Variants in RRP9 observed in about 807,000 individuals in gnomAD.
RRP9 encodes U3 small nucleolar RNA-interacting protein 2.
A neutral mutation model predicts 65.5 loss-of-function variants in RRP9; 35 were observed. That is an observed-to-expected ratio of 0.53 (90% CI 0.41 to 0.71). The LOEUF (loss-of-function observed/expected upper bound fraction) is 0.71. RRP9 is among the 30% of genes least tolerant of loss of function. The pLI is 0.00. For missense variants in RRP9, 533 were observed against 633.6 expected, an observed-to-expected ratio of 0.84 and a Z score of 1.70; for synonymous variants, 254 against 245.0, an observed-to-expected ratio of 1.04 and a Z score of -0.34.
chr3:51,941,771 C>T lies in RRP9; in HGVS notation c.87+10G>A. On this transcript the variant is annotated intron_variant, in intron 1 of 14. Coordinates refer to ENST00000232888, the MANE Select transcript of RRP9 (RefSeq NM_004704.5). ...GGGCTGACCGCGGCCCTCAGAAGCG[C>T]CATGCTCACCTTTCGCCGCCGCTTG... The T allele has an allele frequency of 6.4e-7, 1 of 1,553,332 alleles. No homozygotes were observed. Among genetic ancestry groups the T allele is most frequent in the South Asian group, 1.2e-5 (1 of 85,446 alleles).
At position 51,936,559 on chromosome 3, in the gene RRP9, C is replaced by A. The variant is rs1410655476; in HGVS notation, c.518-4G>T. Reference sequence around the variant, plus strand: ...TTCCGTCCACTCTCCACGCTCCCTGCAGTTGGGGGTGGGGGAGAAGCTACT... The same window carrying A: ...TTCCGTCCACTCTCCACGCTCCCTGAAGTTGGGGGTGGGGGAGAAGCTACT... On this transcript the variant is annotated splice_region_variant and splice_polypyrimidine_tract_variant and intron_variant, in intron 6 of 14. Coordinates refer to ENST00000232888, the MANE Select transcript of RRP9 (RefSeq NM_004704.5). 1 of 1,613,370 alleles carries A rather than the reference C, an allele frequency of 6.2e-7. No individual in the cohort carries two copies. Among genetic ancestry groups the A allele is most frequent in the South Asian group, 1.1e-5 (1 of 91,040 alleles).
chr3:51,935,515 T>A, intron 9 of RRP9, 39 bp from the exon 10 acceptor site: 1 of 1,613,718 alleles, frequency 6.2e-7, no homozygotes, highest in African/African-American at 1.3e-5. Context: ...GGGATAGGGG[T>A]ACTGCATGAA....
Position 51,938,078 on chromosome 3 carries a change from C to A in RRP9, c.280+17G>T. Reference sequence around the variant, plus strand: ...AGGCAGAAGCCCTGCCCATGGCTGGCCTGCCCACTGGCTCACCTTGCTGAC... The same window carrying A: ...AGGCAGAAGCCCTGCCCATGGCTGGACTGCCCACTGGCTCACCTTGCTGAC... On this transcript the variant is annotated intron_variant, in intron 3 of 14. Coordinates refer to ENST00000232888, the MANE Select transcript of RRP9 (RefSeq NM_004704.5). 3 of 1,574,744 alleles carry A rather than the reference C, an allele frequency of 1.9e-6. No homozygotes were observed. The highest frequency in any genetic ancestry group is 2.6e-6 in the Non-Finnish European group (3 of 1,163,904).
In RRP9 at chr3:51,936,355, G is replaced by C. The variant is rs370008395; in HGVS notation, c.643-6C>G. 1 of 1,614,212 alleles carries C rather than the reference G, an allele frequency of 6.2e-7. No homozygotes were observed. The highest frequency in any genetic ancestry group is 1.6e-4 in the Middle Eastern group (1 of 6,062). On this transcript the variant is annotated splice_region_variant and splice_polypyrimidine_tract_variant and intron_variant, in intron 7 of 14. Transcript: ENST00000232888. ...TTGCTGCGGTCACCAGAGGCCTGCAGGGATGAAGACAATGATCACAGGCAC... is the reference window on the plus strand; with the variant it reads ...TTGCTGCGGTCACCAGAGGCCTGCACGGATGAAGACAATGATCACAGGCAC...
rs190417139 is a variant in RRP9 at position 51,939,715 on chromosome 3, G to A, written c.171-1511C>T. ...AGAAGAACAAAGAAACCAAAGAAAT[G>A]ATTAACTCAAGTTAGGAATGACAGT... On this transcript the variant is annotated intron_variant, in intron 2 of 14. Transcript: ENST00000232888. Among the ~76,000 whole-genome samples, 9 of 152,314 alleles carry A rather than the reference G, an allele frequency of 5.9e-5. No homozygotes were observed. In the East Asian group the frequency reaches 1.7e-3, roughly 29 times the overall value.
At chr3:51,935,751 T>C in intron 8 of RRP9, 59 bp from the exon 9 acceptor site, 2 of 1,451,476 alleles carry the variant, frequency 1.4e-6, no homozygotes, top group Non-Finnish European at 1.9e-6. Flanking sequence ...GAGAGACAGG[T>C]CAGGCCCAGG....
intron 2 of RRP9, among the ~76,000 whole-genome samples, chr3:51,940,662 A>G (rs1699511259): frequency 6.6e-6 from 1 of 151,976 alleles, no homozygotes; most frequent in South Asian, 2.1e-4. Flanking sequence ...CTACAGGTGC[A>G]CACCACCATA....
At position 51,936,326 on chromosome 3, in the gene RRP9, G is replaced by A. The variant is rs1559743627; in HGVS notation, c.666C>T (p.Leu222=). The A allele has an allele frequency of 2.5e-6, 4 of 1,614,074 alleles. No homozygotes were observed. The African/African-American group carries it at 4.0e-5, about 16-fold the overall frequency. Residue 222 remains leucine, a synonymous_variant, in exon 8 of 15, where the codon CTC becomes CTT. Transcript: ENST00000232888. The part of the protein sequence containing the change: ...KYLASGDRSK[L]ILIWEAQSCQ... ...AGCTCTGGGCCTCCCAAATGAGAAT[G>A]AGCTTGCTGCGGTCACCAGAGGCCT...
chr3:51,940,103 A>G (rs1356474838), intron 2 of RRP9, among the ~76,000 whole-genome samples: 1 of 152,104 alleles, frequency 6.6e-6, no homozygotes, highest in African/African-American at 2.4e-5. Flanking sequence ...CTAAACATAC[A>G]TAATTAGCCA....
intron 1 of RRP9, 65 bp from the exon 2 acceptor site, chr3:51,941,556 C>T: frequency 1.4e-6 from 2 of 1,447,124 alleles, no homozygotes; most frequent in South Asian, 1.1e-5. Flanking sequence ...ACCAAGGGCC[C>T]CCCCCCCTCG....
Position 51,934,465 on chromosome 3 carries a change from C to CA in RRP9, c.1260+6dup. On this transcript the variant is annotated splice_region_variant and intron_variant, in intron 13 of 14. Coordinates refer to ENST00000232888, the MANE Select transcript of RRP9 (RefSeq NM_004704.5). This position sits in a 1 kb window ranked among gnomAD's most constrained non-coding sequence, Gnocchi z 4.1. ...GACAGGCTGAGCATTCAAGCACACT[C>CA]ACTCACCAGGGGGATGTCACAGAGA... 1 of 1,611,610 alleles carries CA rather than the reference C, an allele frequency of 6.2e-7. No individual in the cohort carries two copies. The highest frequency in any genetic ancestry group is 8.5e-7 in the Non-Finnish European group (1 of 1,178,576).
chr3:51,934,736 C>A lies in RRP9; in HGVS notation c.1075G>T (p.Ala359Ser), dbSNP rs760273754. The change falls in exon 12 of 15, where the codon GCC (alanine) becomes TCC (serine). Residue 359 changes from alanine (A) to serine (S), a missense_variant. Coordinates refer to ENST00000232888, the MANE Select transcript of RRP9 (RefSeq NM_004704.5). The surrounding 1 kb of genome is among the most constrained non-coding windows in gnomAD (Gnocchi z 4.1). Reference sequence around the variant, plus strand: ...AGCCCGTGAGCTTCACGCTGCAGGGCAAGTGGTCGCTTCTTGGAGAGACCC... The same window carrying A: ...AGCCCGTGAGCTTCACGCTGCAGGGAAAGTGGTCGCTTCTTGGAGAGACCC... ...LWGLSKKRPL[A>S]LQREAHGLRG... is the part of the protein sequence containing the mutation. 4 of 1,614,024 alleles carry A rather than the reference C, an allele frequency of 2.5e-6. No individual in the cohort carries two copies. Among genetic ancestry groups the A allele is most frequent in the Admixed American group, 1.7e-5 (1 of 60,010 alleles).
chr3:51,935,493 A>G lies in RRP9; in HGVS notation c.837-17T>C, dbSNP rs1424472589. 1 of 1,614,140 alleles carries G rather than the reference A, an allele frequency of 6.2e-7. No individual in the cohort carries two copies. The highest frequency in any genetic ancestry group is 1.7e-5 in the Admixed American group (1 of 60,024). ...TGTCCGAAGCTAGAGGGCCGGGCAG[A>G]GCAGGATAGTGGGGATAGGGGTACT... is the stretch of plus-strand genomic sequence containing the variant. On this transcript the variant is annotated splice_polypyrimidine_tract_variant and intron_variant, in intron 9 of 14. Transcript: ENST00000232888.
At chr3:51,941,560 C>G (rs888653120) in intron 1 of RRP9, 69 bp from the exon 2 acceptor site, 130 of 1,415,354 alleles carry the variant, frequency 9.2e-5, no homozygotes, top group Middle Eastern at 3.6e-4. Flanking sequence ...AGGGCCCCCC[C>G]CCCTCGGTTC....
chr3:51,940,260 A>AC (rs892867926), intron 2 of RRP9, among the ~76,000 whole-genome samples: 31 of 152,154 alleles, frequency 2.0e-4, no homozygotes, highest in African/African-American at 7.2e-4. Flanking sequence ...TGTCTCAAAA[A>AC]CAAAAAAAAA....
In RRP9 at chr3:51,934,475, G is replaced by T. The variant is rs771530262; in HGVS notation, c.1257C>A (p.Pro419=). Residue 419 remains proline (P), a synonymous_variant, in exon 13 of 15, where the codon CCC becomes CCA. Transcript: ENST00000232888. The surrounding 1 kb of genome is among the most constrained non-coding windows in gnomAD (Gnocchi z 4.1). Reference sequence around the variant, plus strand: ...GCATTCAAGCACACTCACTCACCAGGGGGATGTCACAGAGAAGGTCAAGCT... The same window carrying T: ...GCATTCAAGCACACTCACTCACCAGTGGGATGTCACAGAGAAGGTCAAGCT... The part of the protein sequence containing the change: ...FRQLDLLCDI[P]LVGFINSLKF... 2.2e-5 allele frequency: 36 copies of T among 1,613,144 alleles called. No homozygotes were observed. Among genetic ancestry groups the T allele is most frequent in the Non-Finnish European group, 3.1e-5 (36 of 1,179,538 alleles).
rs755276142 is a variant in RRP9 at position 51,941,511 on chromosome 3, T to C, written c.88-20A>G. The C allele has an allele frequency of 5.6e-6, 9 of 1,612,602 alleles. No individual in the cohort carries two copies. The South Asian group carries it at 9.9e-5, about 18-fold the overall frequency. On this transcript the variant is annotated intron_variant, in intron 1 of 14. Transcript: ENST00000232888. The stretch of plus-strand genomic sequence containing the variant: ...GTCGGCCTGGGAATTATACGGTCTT[T>C]TCTTTGGTCAGGGGTCCAGACCACC...
Position 51,933,443 on chromosome 3 carries a change from G to T in RRP9, c.*63C>A. On this transcript the variant is annotated 3_prime_UTR_variant, in exon 15 of 15. Transcript: ENST00000232888. ...CAAGAAACAAGGCCCAAAAGAGGAGGCTTTTAATACAAAGAGGGTGGGGCA... is the reference window on the plus strand; with the variant it reads ...CAAGAAACAAGGCCCAAAAGAGGAGTCTTTTAATACAAAGAGGGTGGGGCA... The T allele has an allele frequency of 1.4e-6, 2 of 1,386,336 alleles. No homozygotes were observed. Among genetic ancestry groups the T allele is most frequent in the Non-Finnish European group, 2.0e-6 (2 of 985,614 alleles). 85.9% of individuals were successfully genotyped at this position (1,386,336 alleles called of 1,614,324 possible).
rs376489777 is a variant in RRP9 at position 51,934,408 on chromosome 3, G to A, written c.1260+64C>T. 8 of 1,503,842 alleles carry A rather than the reference G, an allele frequency of 5.3e-6. No individual in the cohort carries two copies. In the African/African-American group the frequency reaches 9.7e-5, roughly 18 times the overall value. 93.2% of individuals were successfully genotyped at this position (1,503,842 alleles called of 1,614,324 possible). On this transcript the variant is annotated intron_variant, in intron 13 of 14. Transcript: ENST00000232888. This position sits in a 1 kb window ranked among gnomAD's most constrained non-coding sequence, Gnocchi z 4.1. The stretch of plus-strand genomic sequence containing the variant: ...CTGGCAGGAAGAAAGACCTTAAAGA[G>A]CTAACTCCAGGGGCCTAGGCAGTGT...
Sources: gnomAD v4.1 joint callset for allele counts (sites outside exome capture counted in the v4.1 genomes callset) on GRCh38, gnomAD v4.1.1 for gene constraint, Gnocchi (gnomAD v3.1) non-coding constraint, MANE v1.5 for transcripts, NCBI Gene and HGNC (gene_info 2026-07-23, HGNC 2026-07-21) for gene names.